Variants in COL26A1 observed in about 807,000 individuals in gnomAD.
COL26A1 encodes collagen type XXVI alpha 1 chain.
In COL26A1, 41 loss-of-function variants were observed where a neutral mutation model predicts 59.3. The ratio of observed to expected loss-of-function variants is 0.69; its 90% CI spans 0.54 to 0.90. The LOEUF (loss-of-function observed/expected upper bound fraction) is 0.90, where lower values mean the gene tolerates loss of function less well. COL26A1 is among the 40% of genes least tolerant of loss of function. The probability of loss-of-function intolerance (pLI) is 0.00; values close to 1 mark genes in which losing one functional copy is unlikely to be tolerated. For synonymous variants in COL26A1, 266 were observed against 256.0 expected, an observed-to-expected ratio of 1.04 and a Z score of -0.37; for missense variants, 612 against 602.3, an observed-to-expected ratio of 1.02 and a Z score of -0.17.
Position 101,555,819 on chromosome 7 carries a change from G to A in COL26A1, c.1113G>A (p.Leu371=). The A allele has an allele frequency of 6.2e-7, 1 of 1,611,938 alleles. No individual in the cohort carries two copies. The highest frequency in any genetic ancestry group is 1.1e-5 in the South Asian group (1 of 90,264). Reference sequence around the variant, plus strand: ...GGGTGCAGCAGCTGAGAGAGGCCCTGAAGATCCTGGCAGAGCGAGTCCTCA... The same window carrying A: ...GGGTGCAGCAGCTGAGAGAGGCCCTAAAGATCCTGGCAGAGCGAGTCCTCA... ...GEGVQQLREA[L]KILAERVLIL... Residue 371 remains leucine, a synonymous_variant, in exon 12 of 13, where the codon CTG becomes CTA. Transcript: ENST00000313669.
At chr7:101,378,959 A>G (rs1299495696) in intron 1 of COL26A1, among the ~76,000 whole-genome samples, 1 of 151,984 alleles carries the variant, frequency 6.6e-6, no homozygotes, top group Non-Finnish European at 1.5e-5. Context: ...CCTGCCAAAC[A>G]CTCACTGGAG....
intron 3 of COL26A1, among the ~76,000 whole-genome samples, chr7:101,508,959 C>T (rs528799132): frequency 1.3e-4 from 20 of 152,190 alleles, no homozygotes; most frequent in African/African-American, 4.3e-4. Flanking sequence ...GAGCTATGAT[C>T]GTACCACTGC....
chr7:101,370,144 A>T (rs984302526), intron 1 of COL26A1, among the ~76,000 whole-genome samples: 2 of 151,882 alleles, frequency 1.3e-5, no homozygotes, highest in Non-Finnish European at 2.9e-5. Context: ...TACAGGCATG[A>T]ACCACCGCGC....
At chr7:101,459,707 C>T (rs1793564872) in intron 3 of COL26A1, among the ~76,000 whole-genome samples, 1 of 152,080 alleles carries the variant, frequency 6.6e-6, no homozygotes, top group Non-Finnish European at 1.5e-5. Context: ...CCTCAACCAT[C>T]AGGAGATGAT....
At chr7:101,555,951 C>CTA in intron 12 of COL26A1, 80 bp downstream of exon 12, 1 of 1,245,362 alleles carries the variant, frequency 8.0e-7, no homozygotes, top group Non-Finnish European at 1.1e-6. Flanking sequence ...TGGCTGCTGC[C>CTA]TAGGGTCTCT....
intron 10 of COL26A1, 178 bp from the exon 11 acceptor site, chr7:101,553,148 C>A: frequency 1.8e-6 from 1 of 558,718 alleles, no homozygotes; most frequent in South Asian, 2.3e-5. Context: ...GCCCCGGAGC[C>A]GTGGCCTCCC....
intron 3 of COL26A1, among the ~76,000 whole-genome samples, chr7:101,471,571 GTTTTTTTTTTTTT>G (rs71517177): frequency 0.029 from 2,717 of 93,050 alleles, 107 homozygotes; most frequent in African/African-American, 0.098. Context: ...GTTGTTGTTT[GTTTTTTTTTTTTT>G]TTTTTTTTTT....
chr7:101,535,169 T>C (rs1019618337), intron 4 of COL26A1, among the ~76,000 whole-genome samples: 1 of 152,126 alleles, frequency 6.6e-6, no homozygotes, highest in Non-Finnish European at 1.5e-5. Context: ...GCTGCTCTCC[T>C]TGGAGTCTTA....
chr7:101,400,021 G>A (rs1400886842), intron 1 of COL26A1, among the ~76,000 whole-genome samples: 1 of 152,142 alleles, frequency 6.6e-6, no homozygotes, highest in African/African-American at 2.4e-5. Flanking sequence ...TGGTACAGTG[G>A]CTGCGAGTGC....
intron 1 of COL26A1, among the ~76,000 whole-genome samples, chr7:101,398,614 C>T (rs996128867): frequency 4.6e-5 from 7 of 152,142 alleles, no homozygotes; most frequent in African/African-American, 7.2e-5. Flanking sequence ...GGCTGCTTTT[C>T]GTCGTGTGCT....
At chr7:101,487,297 G>A (rs1446803990) in intron 3 of COL26A1, among the ~76,000 whole-genome samples, 1 of 152,062 alleles carries the variant, frequency 6.6e-6, no homozygotes, top group East Asian at 1.9e-4. Flanking sequence ...CCGGGACTAA[G>A]ATACCCAGCT....
intron 1 of COL26A1, among the ~76,000 whole-genome samples, chr7:101,369,581 T>C (rs1458676202): frequency 2.0e-5 from 3 of 149,420 alleles, no homozygotes; most frequent in Non-Finnish European, 4.5e-5. Context: ...TCTGAGTAGC[T>C]GGGACTATAA....
At position 101,466,837 on chromosome 7, in the gene COL26A1, T is replaced by TGTGTGTGTGTGTGTGTGTGA. The variant is rs764059657; in HGVS notation, c.385+19051_385+19052insTGTGTGTGTGTGTGTGTGAG. On this transcript the variant is annotated intron_variant, in intron 3 of 12. Coordinates refer to ENST00000313669, the MANE Select transcript of COL26A1 (RefSeq NM_001278563.3). ...GTGTGTGTGTGTGTGTGTGTGTGTG[T>TGTGTGTGTGTGTGTGTGTGA]GAGAGAGAGAGATTCAGTCTCTGCC... 1.8e-3 allele frequency among the ~76,000 whole-genome samples: 217 copies of TGTGTGTGTGTGTGTGTGTGA among 122,700 alleles called. 1 individual carries two copies. The highest frequency in any genetic ancestry group is 5.2e-3 in the African/African-American group (164 of 31,488). 80.5% of individuals were successfully genotyped at this position (122,700 alleles called of 152,430 possible). A position where few individuals can be genotyped will look rare whatever the true frequency, so the allele number is the denominator to read the frequency against.
At chr7:101,548,995 G>C (rs1795803609) in intron 8 of COL26A1, among the ~76,000 whole-genome samples, 176 bp from the exon 9 acceptor site, 2 of 152,172 alleles carry the variant, frequency 1.3e-5, no homozygotes, top group South Asian at 4.1e-4. Flanking sequence ...AGAGGACCCT[G>C]GGCTCCGAGG....
rs952617840 is a variant in COL26A1, at chr7:101,374,738, T to C, written c.158+11548T>C. 4.6e-5 allele frequency among the ~76,000 whole-genome samples: 7 copies of C among 152,280 alleles called. No individual in the cohort carries two copies. In the South Asian group the frequency reaches 8.3e-4, roughly 18 times the overall value. ...TGAGTAGTAGGATTATTTCATTATA[T>C]ATTACAATGTCATAATAATAGAAAT... On this transcript the variant is annotated intron_variant, in intron 1 of 12. Coordinates refer to ENST00000313669, the MANE Select transcript of COL26A1 (RefSeq NM_001278563.3).
At chr7:101,520,633 T>TATACACAC (rs1452059213) in intron 3 of COL26A1, among the ~76,000 whole-genome samples, 14 of 137,224 alleles carry the variant, frequency 1.0e-4, no homozygotes, top group South Asian at 2.3e-4. Context: ...CACAGACACA[T>TATACACAC]ACACACACAC....
intron 3 of COL26A1, among the ~76,000 whole-genome samples, chr7:101,519,196 C>G (rs1455168407): frequency 6.6e-6 from 1 of 152,230 alleles, no homozygotes; most frequent in Admixed American, 6.5e-5. Flanking sequence ...GTGTCAGGAT[C>G]TGGGCACTAA....
intron 3 of COL26A1, among the ~76,000 whole-genome samples, chr7:101,513,206 C>A (rs1274059130): frequency 1.3e-5 from 2 of 151,862 alleles, no homozygotes; most frequent in African/African-American, 2.4e-5. Context: ...CAGGGTTTCA[C>A]CATGTTGGCC....
chr7:101,364,615 G>A (rs1381562470), intron 1 of COL26A1, among the ~76,000 whole-genome samples: 1 of 151,140 alleles, frequency 6.6e-6, no homozygotes, highest in Non-Finnish European at 1.5e-5. Context: ...TGCTCCCCAG[G>A]CTGGAATGCA....
Sources: gnomAD v4.1 joint callset for allele counts (sites outside exome capture counted in the v4.1 genomes callset) on GRCh38, gnomAD v4.1.1 for gene constraint, MANE v1.5 for transcripts, NCBI Gene and HGNC (gene_info 2026-07-23, HGNC 2026-07-21) for gene names.